SLFN12L: variants seen among roughly 807,000 people sequenced by gnomAD.
SLFN12L encodes schlafen family member 12-like.
Under a neutral mutation model 34.8 loss-of-function variants are expected in SLFN12L, and 34 were observed. The observed-to-expected ratio is 0.98, with a 90% CI of 0.74 to 1.30. The LOEUF (loss-of-function observed/expected upper bound fraction) is 1.30. Ranked by LOEUF, SLFN12L falls within the 50% of genes most tolerant of loss-of-function variation. The pLI is 0.00. For synonymous variants in SLFN12L, 259 were observed against 247.5 expected, an observed-to-expected ratio of 1.05 and a Z score of -0.44; for missense variants, 703 against 696.2, an observed-to-expected ratio of 1.01 and a Z score of -0.11.
chr17:35,524,735 C>A (rs1029177158), intron 1 of SLFN12L, among the ~76,000 whole-genome samples: 5 of 152,176 alleles, frequency 3.3e-5, no homozygotes, highest in African/African-American at 1.2e-4. Flanking sequence ...GTAGATAAAT[C>A]CATGAAGATG....
rs993939268 is a variant in SLFN12L at position 35,522,490 on chromosome 17, A to G, written c.-126T>C. ...GCTGTGAGCAGATTTAAAACCTCAT[A>G]GCTGCACAGGTCACTCAAGAGAGAC... On this transcript the variant is annotated 5_prime_UTR_variant, in exon 2 of 5. Transcript: ENST00000628453. 6.2e-7 allele frequency: 1 copy of G among 1,613,504 alleles called. No homozygotes were observed. Among genetic ancestry groups the G allele is most frequent in the South Asian group, 1.1e-5 (1 of 91,048 alleles).
At chr17:35,535,555 T>C (rs1270642281) in intron 1 of SLFN12L, among the ~76,000 whole-genome samples, 1 of 150,574 alleles carries the variant, frequency 6.6e-6, no homozygotes, top group African/African-American at 2.4e-5. Flanking sequence ...GGTGCAGTCA[T>C]AGCTCACTGC....
intron 1 of SLFN12L, among the ~76,000 whole-genome samples, chr17:35,526,553 C>T (rs1258075653): frequency 6.6e-6 from 1 of 152,150 alleles, no homozygotes; most frequent in East Asian, 1.9e-4. Flanking sequence ...GATTAAGAAA[C>T]TCACTCAAAA....
In SLFN12L at chr17:35,474,929, C is replaced by T. The variant is rs1427145885; in HGVS notation, c.1833G>A (p.Leu611=). ...CTGGGTGACAGAGTGAGACTCATCT[C>T]AAGAAAAAACAAACAAACCAACAAA... The part of the protein sequence containing the change: ...LFVCWFVCFF[L]R Residue 611 remains leucine (L), a synonymous_variant, in exon 5 of 5, where the codon TTG becomes TTA. Coordinates refer to ENST00000628453, the MANE Select transcript of SLFN12L (RefSeq NM_001363830.2). The T allele has an allele frequency of 6.5e-7, 1 of 1,543,494 alleles. No individual in the cohort carries two copies. Among genetic ancestry groups the T allele is most frequent in the Non-Finnish European group, 8.7e-7 (1 of 1,144,222 alleles).
In SLFN12L at chr17:35,494,867, G is replaced by C. The variant is rs577445728; in HGVS notation, c.87-14672C>G. On this transcript the variant is annotated intron_variant, in intron 2 of 4. Transcript: ENST00000628453. ...TGTTTTATTTATCACCGATTTTTGC[G>C]TTAATTTTATTAATTTATTTATTTT... Among the ~76,000 whole-genome samples the C allele has an allele frequency of 2.0e-5, 3 of 151,128 alleles. No homozygotes were observed. The South Asian group carries it at 6.3e-4, about 32-fold the overall frequency.
intron 2 of SLFN12L, chr17:35,490,044 G>A: frequency 1.2e-6 from 2 of 1,604,392 alleles, no homozygotes; most frequent in Non-Finnish European, 1.7e-6. Context: ...ACCACCTCCT[G>A]TTCCCTCTCC....
In SLFN12L at chr17:35,480,048, C is replaced by T. The variant is rs758060913; in HGVS notation, c.234G>A (p.Leu78=). The T allele has an allele frequency of 1.9e-6, 3 of 1,614,172 alleles. No individual in the cohort carries two copies. The highest frequency in any genetic ancestry group is 2.5e-6 in the Non-Finnish European group (3 of 1,180,028). Residue 78 remains leucine (L), a synonymous_variant, in exon 3 of 5, where the codon CTG becomes CTA. Coordinates refer to ENST00000628453, the MANE Select transcript of SLFN12L (RefSeq NM_001363830.2). ...AGACATTTTCATTCTGCTGTTTTCTCAGTTGACAATCCTTCATTTTTTTTC... is the reference window on the plus strand; with the variant it reads ...AGACATTTTCATTCTGCTGTTTTCTTAGTTGACAATCCTTCATTTTTTTTC... The part of the protein sequence containing the change: ...NNRKKMKDCQ[L]RKQQNENVSR...
chr17:35,501,178 C>T (rs1191150877), intron 2 of SLFN12L, among the ~76,000 whole-genome samples: 1 of 152,226 alleles, frequency 6.6e-6, no homozygotes, highest in Admixed American at 6.5e-5. Context: ...GGGACTGCAG[C>T]CAGCTTGAGC....
rs1424758408 is a variant in SLFN12L at position 35,502,128 on chromosome 17, A to G, written c.86+20151T>C. Among the ~76,000 whole-genome samples, 5 of 151,510 alleles carry G rather than the reference A, an allele frequency of 3.3e-5. No homozygotes were observed. In the East Asian group the frequency reaches 9.7e-4, roughly 30 times the overall value. On this transcript the variant is annotated intron_variant, in intron 2 of 4. Coordinates refer to ENST00000628453, the MANE Select transcript of SLFN12L (RefSeq NM_001363830.2). ...AGTAGTTAAGAAAAAAAAAGTGTAC[A>G]CTATTCCTTTAAAAGCCAAGGTAAA...
At chr17:35,510,844 A>AG (rs1308216089) in intron 2 of SLFN12L, among the ~76,000 whole-genome samples, 2 of 151,902 alleles carry the variant, frequency 1.3e-5, no homozygotes, top group African/African-American at 4.8e-5. Context: ...AAAAAAAAAA[A>AG]AAGAAGAGAA....
rs144051119 is a variant in SLFN12L at position 35,474,997 on chromosome 17, G to A, written c.1765C>T (p.Gln589Ter). Residue 589 changes from glutamine (Q) to a stop codon, truncating the protein, a stop_gained, in exon 5 of 5, where the codon CAA becomes TAA. Coordinates refer to ENST00000628453, the MANE Select transcript of SLFN12L (RefSeq NM_001363830.2). LOFTEE classifies it high-confidence loss of function. Reference protein sequence around the residue: ...ALSNILPKENQIFLFVCLFRF... With the variant: ...ALSNILPKEN ...AACAAACAAACAAACAAAAAGATTTGATTCTCCTTAGGTAAGATATTTGAA... is the reference window on the plus strand; with the variant it reads ...AACAAACAAACAAACAAAAAGATTTAATTCTCCTTAGGTAAGATATTTGAA... 9 of 1,570,524 alleles carry A rather than the reference G, an allele frequency of 5.7e-6. No individual in the cohort carries two copies. The East Asian group carries it at 1.6e-4, about 29-fold the overall frequency.
intron 2 of SLFN12L, among the ~76,000 whole-genome samples, chr17:35,481,986 A>G (rs1914358811): frequency 6.6e-6 from 1 of 152,022 alleles, no homozygotes; most frequent in African/African-American, 2.4e-5. Flanking sequence ...TCAGCCTCCC[A>G]AGTAGCTGGC....
intron 2 of SLFN12L, among the ~76,000 whole-genome samples, chr17:35,486,885 A>G (rs1914602008): frequency 6.6e-6 from 1 of 152,226 alleles, no homozygotes; most frequent in Admixed American, 6.5e-5. Flanking sequence ...GACAGGAGGC[A>G]GAAGAGCTAC....
intron 2 of SLFN12L, chr17:35,500,272 G>C (rs1915244669): frequency 6.6e-6 from 1 of 152,122 alleles, no homozygotes; most frequent in Non-Finnish European, 1.5e-5. Flanking sequence ...CTACGTAGAA[G>C]CTTTAATTTC....
intron 2 of SLFN12L, chr17:35,487,940 G>T (rs551999552): frequency 2.9e-6 from 2 of 699,086 alleles, no homozygotes; most frequent in East Asian, 5.5e-5. Flanking sequence ...CGGGCGCGGT[G>T]ACTCACGCCT....
chr17:35,517,280 A>G (rs12103673), intron 2 of SLFN12L, among the ~76,000 whole-genome samples: 2 of 152,174 alleles, frequency 1.3e-5, no homozygotes, highest in African/African-American at 4.8e-5. Flanking sequence ...GAGCCAAATC[A>G]TGAGTGAACT....
At chr17:35,537,031 C>T (rs1477055662) in intron 1 of SLFN12L, among the ~76,000 whole-genome samples, 1 of 151,886 alleles carries the variant, frequency 6.6e-6, no homozygotes, top group African/African-American at 2.4e-5. Context: ...AAAAAATTAG[C>T]CAGGCACCCT....
chr17:35,537,014 G>A (rs2072468621), intron 1 of SLFN12L, among the ~76,000 whole-genome samples: 1 of 151,694 alleles, frequency 6.6e-6, no homozygotes, highest in South Asian at 2.1e-4. Flanking sequence ...CCTCTCTACA[G>A]AAACGAAAAA....
intron 2 of SLFN12L, among the ~76,000 whole-genome samples, chr17:35,501,361 C>T (rs1915290033): frequency 6.6e-6 from 1 of 152,224 alleles, no homozygotes; most frequent in South Asian, 2.1e-4. Flanking sequence ...TTAGACCTTG[C>T]CCACTCCATT....
Sources: gnomAD v4.1 joint callset for allele counts (sites outside exome capture counted in the v4.1 genomes callset) on GRCh38, gnomAD v4.1.1 for gene constraint, MANE v1.5 for transcripts, NCBI Gene and HGNC (gene_info 2026-07-23, HGNC 2026-07-21) for gene names.